The following CRIPT variants were observed in gnomAD, a reference collection of about 807,000 sequenced individuals.
The protein encoded by CRIPT is cysteine-rich PDZ-binding protein.
A neutral mutation model predicts 16.6 loss-of-function variants in CRIPT; 20 were observed. The observed-to-expected ratio is 1.20, with a 90% CI of 0.85 to 1.75. CRIPT has a LOEUF of 1.75. Ranked by LOEUF, CRIPT falls within the 40% of genes most tolerant of loss-of-function variation. The pLI, the probability that CRIPT is intolerant of heterozygous loss-of-function variation, is 0.00. For missense variants in CRIPT, 133 were observed against 115.3 expected, an observed-to-expected ratio of 1.15 and a Z score of -0.70; for synonymous variants, 42 against 37.0, an observed-to-expected ratio of 1.14 and a Z score of -0.49.
chr2:46,624,105 C>T, intron 4 of CRIPT, 58 bp from the exon 5 acceptor site: 1 of 1,265,906 alleles, frequency 7.9e-7, no homozygotes. Context: ...TCAGGATTGA[C>T]TTAAACCAAA....
At position 46,629,117 on chromosome 2, in the gene CRIPT, T is replaced by A. The variant is rs948262180; in HGVS notation, c.*4890T>A. On this transcript the variant is annotated 3_prime_UTR_variant, in exon 5 of 5. Transcript: ENST00000238892. ...TTACATATGTGTGCAAAAGTTTTTG[T>A]ATCCATGTGGAAAACACAGGAAGCT... 5.3e-5 allele frequency among the ~76,000 whole-genome samples: 8 copies of A among 152,242 alleles called. No homozygotes were observed. Among genetic ancestry groups the A allele is most frequent in the African/African-American group, 1.9e-4 (8 of 41,476 alleles).
chr2:46,620,414 C>G (rs1670773043), intron 3 of CRIPT, among the ~76,000 whole-genome samples: 1 of 141,164 alleles, frequency 7.1e-6, no homozygotes, highest in South Asian at 2.2e-4. Context: ...CACTACTGAT[C>G]TCCAGCCTGG....
In CRIPT at chr2:46,628,556, C is replaced by T. The variant is rs1670998431; in HGVS notation, c.*4329C>T. ...GGAATGTTTTTCCATTTGTTTGTGT[C>T]ATCTCTGATTTCTTTCAGCGTGTTT... On this transcript the variant is annotated 3_prime_UTR_variant, in exon 5 of 5. Coordinates refer to ENST00000238892, the MANE Select transcript of CRIPT (RefSeq NM_014171.6). Among the ~76,000 whole-genome samples, 1 of 152,202 alleles carries T rather than the reference C, an allele frequency of 6.6e-6. No homozygotes were observed. The highest frequency in any genetic ancestry group is 2.4e-5 in the African/African-American group (1 of 41,442).
rs1027904098 is a variant in CRIPT, at chr2:46,627,674, G to A, written c.*3447G>A. Reference sequence around the variant, plus strand: ...TGGCCAGGCTGGTCTTGAATTCCGAGCCTCAAGTGATCCACCCACCTCAGT... The same window carrying A: ...TGGCCAGGCTGGTCTTGAATTCCGAACCTCAAGTGATCCACCCACCTCAGT... On this transcript the variant is annotated 3_prime_UTR_variant, in exon 5 of 5. Coordinates refer to ENST00000238892, the MANE Select transcript of CRIPT (RefSeq NM_014171.6). Among the ~76,000 whole-genome samples the A allele has an allele frequency of 6.6e-6, 1 of 151,814 alleles. No individual in the cohort carries two copies. The highest frequency in any genetic ancestry group is 2.1e-4 in the South Asian group (1 of 4,810).
intron 1 of CRIPT, 80 bp downstream of exon 1, chr2:46,617,378 T>C (rs938259430): frequency 2.0e-6 from 3 of 1,470,274 alleles, no homozygotes; most frequent in African/African-American, 1.4e-5. Flanking sequence ...TGCTTTCTCG[T>C]TGTTTTTTCT....
Position 46,628,795 on chromosome 2 carries a change from A to G in CRIPT, c.*4568A>G, listed in dbSNP as rs1192625691. Among the ~76,000 whole-genome samples, 6 of 152,380 alleles carry G rather than the reference A, an allele frequency of 3.9e-5. No individual in the cohort carries two copies. In the East Asian group the frequency reaches 9.6e-4, roughly 24 times the overall value. On this transcript the variant is annotated 3_prime_UTR_variant, in exon 5 of 5. Coordinates refer to ENST00000238892, the MANE Select transcript of CRIPT (RefSeq NM_014171.6). Reference sequence around the variant, plus strand: ...GAGGAGGAAAACCCTAAAACAAAACATGAACATAAAATATTTTTAAAAGGA... The same window carrying G: ...GAGGAGGAAAACCCTAAAACAAAACGTGAACATAAAATATTTTTAAAAGGA...
In CRIPT at chr2:46,626,957, T is replaced by C. The variant is rs1408559322; in HGVS notation, c.*2730T>C. Among the ~76,000 whole-genome samples, 1 of 151,782 alleles carries C rather than the reference T, an allele frequency of 6.6e-6. No homozygotes were observed. The highest frequency in any genetic ancestry group is 1.9e-4 in the East Asian group (1 of 5,150). ...AAGCGATTCTCCTGCCCCAGCCTCC[T>C]GAGTTGCTGGGATTACAGGTGCCTG... On this transcript the variant is annotated 3_prime_UTR_variant, in exon 5 of 5. Transcript: ENST00000238892.
rs984672459 is a variant in CRIPT, at chr2:46,617,232, A to T, written c.-51A>T. The T allele has an allele frequency of 1.9e-6, 3 of 1,551,628 alleles. No individual in the cohort carries two copies. Among genetic ancestry groups the T allele is most frequent in the Non-Finnish European group, 1.7e-6 (2 of 1,147,046 alleles). On this transcript the variant is annotated 5_prime_UTR_variant, in exon 1 of 5. Transcript: ENST00000238892. ...TCCAAGTTGTAGTGTTGTTGTTTTCAGCCTGCTGCTGCTGCTGCTGTTGCG... is the reference window on the plus strand; with the variant it reads ...TCCAAGTTGTAGTGTTGTTGTTTTCTGCCTGCTGCTGCTGCTGCTGTTGCG...
chr2:46,617,934 A>G (rs959465497), intron 1 of CRIPT, among the ~76,000 whole-genome samples: 19 of 151,610 alleles, frequency 1.3e-4, no homozygotes, highest in Non-Finnish European at 4.4e-5. Context: ...ACTGAGGCTT[A>G]TCCTCTTCAC....
Position 46,617,263 on chromosome 2 carries a change from G to A in CRIPT, c.-20G>A, listed in dbSNP as rs1459775467. On this transcript the variant is annotated 5_prime_UTR_variant, in exon 1 of 5. Coordinates refer to ENST00000238892, the MANE Select transcript of CRIPT (RefSeq NM_014171.6). ...CTGCTGCTGCTGCTGTTGCGGCTAG[G>A]GGAACCGTCGTGGGGAAGGATGGTG... 3.2e-6 allele frequency: 5 copies of A among 1,554,278 alleles called. No individual in the cohort carries two copies. Among genetic ancestry groups the A allele is most frequent in the African/African-American group, 2.7e-5 (2 of 73,570 alleles).
rs958730765 is a variant in CRIPT at position 46,627,052 on chromosome 2, C to T, written c.*2825C>T. 5.3e-5 allele frequency among the ~76,000 whole-genome samples: 8 copies of T among 152,224 alleles called. No individual in the cohort carries two copies. Among genetic ancestry groups the T allele is most frequent in the South Asian group, 2.1e-4 (1 of 4,820 alleles). On this transcript the variant is annotated 3_prime_UTR_variant, in exon 5 of 5. Transcript: ENST00000238892. ...TTCACCATGTTGGCCAGCCTGGTCT[C>T]GAATTCCTGACCTCAGGTGATCCAC...
intron 3 of CRIPT, among the ~76,000 whole-genome samples, chr2:46,620,380 C>T (rs141992733): frequency 9.7e-4 from 147 of 152,174 alleles, no homozygotes; most frequent in Middle Eastern, 3.4e-3. Flanking sequence ...CCAGGGAGGT[C>T]AAGGCTGCAG....
intron 4 of CRIPT, 51 bp downstream of exon 4, chr2:46,623,918 T>C (rs1670872096): frequency 7.6e-7 from 1 of 1,309,784 alleles, no homozygotes; most frequent in Non-Finnish European, 1.1e-6. Context: ...CTTCATTTGC[T>C]GCTAATTTGG....
intron 3 of CRIPT, among the ~76,000 whole-genome samples, 153 bp from the exon 4 acceptor site, chr2:46,623,611 C>G (rs1670864373): frequency 6.6e-6 from 1 of 152,162 alleles, no homozygotes; most frequent in Non-Finnish European, 1.5e-5. Context: ...GCATATCAGA[C>G]AGTAGCCATC....
In CRIPT at chr2:46,627,286, T is replaced by C. The variant is rs1220110683; in HGVS notation, c.*3059T>C. ...ATAGTTCCTTTTGCGGTGCAGAAGC[T>C]CTTTAGTTTGATTAGGTTCCACTTG... On this transcript the variant is annotated 3_prime_UTR_variant, in exon 5 of 5. Coordinates refer to ENST00000238892, the MANE Select transcript of CRIPT (RefSeq NM_014171.6). Among the ~76,000 whole-genome samples, 1 of 152,164 alleles carries C rather than the reference T, an allele frequency of 6.6e-6. No individual in the cohort carries two copies. The highest frequency in any genetic ancestry group is 1.5e-5 in the Non-Finnish European group (1 of 68,024).
chr2:46,618,089 C>T (rs1165998457), intron 1 of CRIPT, among the ~76,000 whole-genome samples: 2 of 151,282 alleles, frequency 1.3e-5, no homozygotes, highest in Non-Finnish European at 2.9e-5. Flanking sequence ...TCCAAATCCT[C>T]TGTCTTGCCT....
At position 46,619,628 on chromosome 2, in the gene CRIPT, A is replaced by C. The variant is rs2104167088; in HGVS notation, c.84A>C (p.Glu28Asp). 6.2e-7 allele frequency: 1 copy of C among 1,608,144 alleles called. No homozygotes were observed. The highest frequency in any genetic ancestry group is 2.2e-5 in the East Asian group (1 of 44,672). Residue 28 changes from glutamate (E) to aspartate (D), a missense_variant and splice_region_variant, in exon 3 of 5, where the codon GAA becomes GAC. Coordinates refer to ENST00000238892, the MANE Select transcript of CRIPT (RefSeq NM_014171.6). ...TWKDGARNTT[E>D]SGGRKLNENK... ...AAAATATCTTTTATTCTGATACAGA[A>C]AGTGGTGGAAGAAAGCTGAATGAAA...
chr2:46,628,489 A>G lies in CRIPT; in HGVS notation c.*4262A>G, dbSNP rs944143880. The stretch of plus-strand genomic sequence containing the variant: ...GAATCTGTGGATTGCTTTGGGCAGT[A>G]TGGCCATTTTAATGATATTGATTCT... On this transcript the variant is annotated 3_prime_UTR_variant, in exon 5 of 5. Transcript: ENST00000238892. 5.0e-4 allele frequency among the ~76,000 whole-genome samples: 76 copies of G among 152,140 alleles called. No individual in the cohort carries two copies. Among genetic ancestry groups the G allele is most frequent in the African/African-American group, 1.8e-3 (73 of 41,450 alleles).
chr2:46,617,291 C>T lies in CRIPT; in HGVS notation c.9C>T (p.Cys3=). The T allele has an allele frequency of 6.4e-7, 1 of 1,554,938 alleles. No individual in the cohort carries two copies. The highest frequency in any genetic ancestry group is 8.7e-7 in the Non-Finnish European group (1 of 1,148,334). The change falls in exon 1 of 5, where the codon TGC becomes TGT. Residue 3 remains cysteine, a synonymous_variant. Coordinates refer to ENST00000238892, the MANE Select transcript of CRIPT (RefSeq NM_014171.6). MV[C]EKCEKKLGTV... ...AACCGTCGTGGGGAAGGATGGTGTGCGAAAAATGTGAGTTAAGGGGCCGCT... is the reference window on the plus strand; with the variant it reads ...AACCGTCGTGGGGAAGGATGGTGTGTGAAAAATGTGAGTTAAGGGGCCGCT...
Sources: gnomAD v4.1 joint callset for allele counts (sites outside exome capture counted in the v4.1 genomes callset) on GRCh38, gnomAD v4.1.1 for gene constraint, MANE v1.5 for transcripts, NCBI Gene and HGNC (gene_info 2026-07-23, HGNC 2026-07-21) for gene names.